The following ABCA1 variants were observed in gnomAD, a reference collection of about 807,000 sequenced individuals.
ABCA1 encodes the protein phospholipid-transporting ATPase ABCA1.
A neutral mutation model predicts 262.5 loss-of-function variants in ABCA1; 133 were observed. That is an observed-to-expected ratio of 0.51 (90% CI 0.44 to 0.59). The LOEUF (loss-of-function observed/expected upper bound fraction) is 0.59, where lower values mean the gene tolerates loss of function less well. Among genes scored for constraint, ABCA1 ranks in the 20% least tolerant of loss-of-function variants. The pLI is 0.00. For synonymous variants in ABCA1, 1,022 were observed against 1,043.5 expected (o/e 0.98, Z 0.40); for missense variants, 2,452 against 2,777.5 (o/e 0.88, Z 2.63).
At chr9:104,850,559 G>A (rs1027409321) in intron 7 of ABCA1, among the ~76,000 whole-genome samples, 4 of 152,216 alleles carry the variant, frequency 2.6e-5, no homozygotes, top group African/African-American at 4.8e-5. Flanking sequence ...ATCTATGTTG[G>A]CCTGAGCACA....
chr9:104,786,242 G>C, intron 48 of ABCA1, 56 bp downstream of exon 48: 1 of 1,384,356 alleles, frequency 7.2e-7, no homozygotes, highest in Non-Finnish European at 1.0e-6. Context: ...ACTCACAAAA[G>C]AATAAATATC....
intron 7 of ABCA1, among the ~76,000 whole-genome samples, chr9:104,853,440 C>T (rs185499624): frequency 4.8e-4 from 73 of 152,274 alleles, no homozygotes; most frequent in Non-Finnish European, 9.3e-4. Flanking sequence ...GAAACTGGAA[C>T]GAGGACAGCT....
At chr9:104,896,748 T>TTTTTTTTTTTTTC (rs1840256620) in intron 2 of ABCA1, among the ~76,000 whole-genome samples, 2 of 121,666 alleles carry the variant, frequency 1.6e-5, no homozygotes, top group African/African-American at 7.0e-5. Flanking sequence ...TTTTTTTTTT[T>TTTTTTTTTTTTTC]CAGACAGAGT....
At chr9:104,881,222 C>T (rs1242555693) in intron 5 of ABCA1, among the ~76,000 whole-genome samples, 1 of 152,168 alleles carries the variant, frequency 6.6e-6, no homozygotes, top group Non-Finnish European at 1.5e-5. Flanking sequence ...ATCAGAAAGT[C>T]TGCTTGACAA....
intron 1 of ABCA1, among the ~76,000 whole-genome samples, chr9:104,913,498 C>G (rs1177506056): frequency 6.6e-6 from 1 of 152,204 alleles, no homozygotes; most frequent in Non-Finnish European, 1.5e-5. Context: ...AAGTATTCAT[C>G]AAGGGTGGGA....
chr9:104,788,245 C>T (rs1829098443), intron 45 of ABCA1, among the ~76,000 whole-genome samples, 181 bp downstream of exon 45: 1 of 152,136 alleles, frequency 6.6e-6, no homozygotes, highest in Non-Finnish European at 1.5e-5. Context: ...CTCTGCCCAC[C>T]CAGCCCTGCC....
At chr9:104,795,938 A>G in intron 39 of ABCA1, 115 bp downstream of exon 39, 1 of 1,417,098 alleles carries the variant, frequency 7.1e-7, no homozygotes, top group South Asian at 1.2e-5. Flanking sequence ...AGACAGGACA[A>G]GGCAGTCAGC....
At chr9:104,897,524 A>AG (rs1329983533) in intron 2 of ABCA1, among the ~76,000 whole-genome samples, 1 of 152,228 alleles carries the variant, frequency 6.6e-6, no homozygotes, top group Non-Finnish European at 1.5e-5. Flanking sequence ...GTGTTAATGG[A>AG]TTACTGCACA....
intron 2 of ABCA1, among the ~76,000 whole-genome samples, chr9:104,894,952 G>C (rs776213800): frequency 1.8e-4 from 27 of 152,118 alleles, no homozygotes; most frequent in Non-Finnish European, 3.7e-4. Flanking sequence ...TTTCATAATA[G>C]CCTCCCTCTA....
In ABCA1 at chr9:104,784,766, C is replaced by T. The variant is rs112590861; in HGVS notation, c.6646-311G>A. On this transcript the variant is annotated intron_variant, in intron 49 of 49. Coordinates refer to ENST00000374736, the MANE Select transcript of ABCA1 (RefSeq NM_005502.4). ...TCGAGCAATTCTCCTGCCTCAGCCT[C>T]GCAAGTAGCTGGGACTACAAGTGCG... Among the ~76,000 whole-genome samples the T allele has an allele frequency of 5.6e-3, 852 of 152,302 alleles. 10 individuals carry two copies. The highest frequency in any genetic ancestry group is 0.019 in the African/African-American group (804 of 41,554).
intron 15 of ABCA1, among the ~76,000 whole-genome samples, chr9:104,827,785 G>A (rs1482336230): frequency 6.6e-6 from 1 of 152,162 alleles, no homozygotes; most frequent in Non-Finnish European, 1.5e-5. Flanking sequence ...AGAGCATGAG[G>A]GAGGGGTTGC....
chr9:104,874,918 C>T (rs1238711002), intron 5 of ABCA1, among the ~76,000 whole-genome samples: 1 of 149,348 alleles, frequency 6.7e-6, no homozygotes, highest in East Asian at 2.0e-4. Flanking sequence ...AGGTGGGGGG[C>T]GCCTCTGCCC....
chr9:104,855,477 C>A, intron 7 of ABCA1: 1 of 505,652 alleles, frequency 2.0e-6, no homozygotes, highest in South Asian at 3.4e-5. Flanking sequence ...GCTGGGATTA[C>A]AACAGATGTG....
At chr9:104,826,688 C>T (rs555487001) in intron 16 of ABCA1, among the ~76,000 whole-genome samples, 1 of 152,312 alleles carries the variant, frequency 6.6e-6, no homozygotes, top group African/African-American at 2.4e-5. Flanking sequence ...ATCCCCAGCC[C>T]AGTTCAAGAT....
At chr9:104,924,284 G>A (rs943282385) in intron 1 of ABCA1, among the ~76,000 whole-genome samples, 1 of 151,178 alleles carries the variant, frequency 6.6e-6, no homozygotes, top group African/African-American at 2.4e-5. Flanking sequence ...TACTATAATG[G>A]TATTATTTAT....
chr9:104,794,530 A>AAAAAAT lies in ABCA1; in HGVS notation c.5383-21_5383-20insATTTTT. ...CAGCTTCTAAAAAAAAAAAAAAAAAATGGGAGGGAAGGGAGGGTGAGGGAG... is the reference window on the plus strand; with the variant it reads ...CAGCTTCTAAAAAAAAAAAAAAAAAAAAAAATTGGGAGGGAAGGGAGGGTGAGGGAG... On this transcript the variant is annotated intron_variant, in intron 39 of 49. Coordinates refer to ENST00000374736, the MANE Select transcript of ABCA1 (RefSeq NM_005502.4). 6.4e-7 allele frequency: 1 copy of AAAAAAT among 1,567,704 alleles called. No homozygotes were observed.
intron 3 of ABCA1, among the ~76,000 whole-genome samples, chr9:104,886,292 G>A (rs564268876): frequency 1.3e-5 from 2 of 152,116 alleles, no homozygotes; most frequent in African/African-American, 2.4e-5. Flanking sequence ...TTAATCCAAA[G>A]TCAGGACTTG....
intron 5 of ABCA1, among the ~76,000 whole-genome samples, chr9:104,872,565 A>G (rs777448849): frequency 1.3e-5 from 2 of 152,204 alleles, no homozygotes; most frequent in Non-Finnish European, 2.9e-5. Context: ...AATAATACCA[A>G]TTTGCCCCTG....
At chr9:104,867,260 T>A (rs1444216139) in intron 5 of ABCA1, among the ~76,000 whole-genome samples, 5 of 152,134 alleles carry the variant, frequency 3.3e-5, no homozygotes, top group Non-Finnish European at 7.4e-5. Context: ...GTTGATTAAA[T>A]GATAAAATGG....
Sources: gnomAD v4.1 joint callset for allele counts (sites outside exome capture counted in the v4.1 genomes callset) on GRCh38, gnomAD v4.1.1 for gene constraint, MANE v1.5 for transcripts, NCBI Gene and HGNC (gene_info 2026-07-23, HGNC 2026-07-21) for gene names.